Variants in RBFOX1 observed in about 807,000 individuals in gnomAD.
RBFOX1 encodes RNA binding protein fox-1 homolog 1.
RBFOX1 carries 8 observed loss-of-function variants against 57.7 expected under a neutral mutation model. The observed-to-expected ratio is 0.14, with a 90% CI of 0.08 to 0.25. The LOEUF (loss-of-function observed/expected upper bound fraction) is 0.25. Ranked by LOEUF, RBFOX1 falls within the 10% of genes least tolerant of loss-of-function variation. The probability of loss-of-function intolerance (pLI) is 1.00; values close to 1 mark genes in which losing one functional copy is unlikely to be tolerated. For synonymous variants in RBFOX1, 326 were observed against 222.4 expected (o/e 1.47, Z -4.15); for missense variants, 611 against 548.5 (o/e 1.11, Z -1.14).
chr16:5,782,466 A>G (rs931840222), intron 3 of RBFOX1, among the ~76,000 whole-genome samples: 2 of 152,190 alleles, frequency 1.3e-5, no homozygotes, highest in Non-Finnish European at 2.9e-5. Context: ...CCCAGAAACC[A>G]TCACCTCCCA....
chr16:5,677,149 C>G (rs894437333), intron 3 of RBFOX1, among the ~76,000 whole-genome samples: 1 of 152,180 alleles, frequency 6.6e-6, no homozygotes, highest in Non-Finnish European at 1.5e-5. Context: ...GAAGTTGAAC[C>G]CAGGCCTCTG....
intron 2 of RBFOX1, among the ~76,000 whole-genome samples, chr16:5,471,441 T>A (rs2069131436): frequency 1.3e-5 from 2 of 152,156 alleles, no homozygotes; most frequent in Non-Finnish European, 2.9e-5. Flanking sequence ...GGAGAGATGC[T>A]CTATGAAACT....
At chr16:6,893,940 G>A (rs1254586485) in intron 3 of RBFOX1, among the ~76,000 whole-genome samples, 1 of 152,102 alleles carries the variant, frequency 6.6e-6, no homozygotes, top group African/African-American at 2.4e-5. Context: ...TGAACATAGA[G>A]AGAACATGAT....
intron 4 of RBFOX1, among the ~76,000 whole-genome samples, chr16:7,366,481 C>A (rs75248220): frequency 2.0e-5 from 3 of 152,066 alleles, no homozygotes; most frequent in South Asian, 2.1e-4. Flanking sequence ...AATTGATAAA[C>A]CCTCCAGGAC....
At chr16:7,601,263 GT>G (rs2095006747) in intron 9 of RBFOX1, among the ~76,000 whole-genome samples, 1 of 152,198 alleles carries the variant, frequency 6.6e-6, no homozygotes, top group South Asian at 2.1e-4. Flanking sequence ...CAGCTCTCTA[GT>G]GGGAACTGTA....
intron 3 of RBFOX1, among the ~76,000 whole-genome samples, chr16:6,851,207 G>A (rs886573648): frequency 6.6e-6 from 1 of 152,172 alleles, no homozygotes; most frequent in African/African-American, 2.4e-5. Flanking sequence ...ATGATACCGT[G>A]TATGTAGCAT....
At chr16:6,237,974 C>G (rs997694297) in intron 1 of RBFOX1, among the ~76,000 whole-genome samples, 14 of 151,262 alleles carry the variant, frequency 9.3e-5, no homozygotes, top group African/African-American at 3.4e-4. Flanking sequence ...GCCTGTAGTC[C>G]CAGCTACTCG....
At chr16:7,350,608 GAC>G (rs934907731) in intron 4 of RBFOX1, among the ~76,000 whole-genome samples, 1 of 152,216 alleles carries the variant, frequency 6.6e-6, no homozygotes. Context: ...ATGCAAAACA[GAC>G]AGGACAGCTA....
At chr16:6,010,511 C>T (rs2094955015) in intron 4 of RBFOX1, among the ~76,000 whole-genome samples, 1 of 152,316 alleles carries the variant, frequency 6.6e-6, no homozygotes, top group Non-Finnish European at 1.5e-5. Context: ...GGCCATTGGG[C>T]CATTGTTTCC....
intron 3 of RBFOX1, among the ~76,000 whole-genome samples, chr16:7,045,233 G>T (rs534958504): frequency 3.9e-4 from 59 of 152,110 alleles, no homozygotes; most frequent in Admixed American, 7.9e-4. Context: ...TGGTGGTGGT[G>T]GCAACCAGTT....
chr16:6,167,933 A>G (rs968959969), intron 1 of RBFOX1, among the ~76,000 whole-genome samples: 1 of 152,172 alleles, frequency 6.6e-6, no homozygotes, highest in African/African-American at 2.4e-5. Flanking sequence ...TTATGGGTCA[A>G]AGTGAAGGTC....
At chr16:6,539,902 C>A (rs1247527984) in intron 2 of RBFOX1, among the ~76,000 whole-genome samples, 2 of 151,172 alleles carry the variant, frequency 1.3e-5, no homozygotes, top group African/African-American at 2.4e-5. Context: ...AACTTTTAAA[C>A]CTTCTCCACC....
chr16:6,846,717 G>T (rs781638026), intron 3 of RBFOX1, among the ~76,000 whole-genome samples: 1 of 152,144 alleles, frequency 6.6e-6, no homozygotes. Flanking sequence ...GGAGAATAAG[G>T]CTGAGCTCTC....
intron 5 of RBFOX1, among the ~76,000 whole-genome samples, chr16:7,565,890 C>G (rs1388097221): frequency 6.6e-6 from 1 of 151,948 alleles, no homozygotes; most frequent in Non-Finnish European, 1.5e-5. Context: ...GCATTCATGT[C>G]GTGTCTTGGG....
At chr16:6,786,085 G>T (rs1406622163) in intron 3 of RBFOX1, among the ~76,000 whole-genome samples, 1 of 152,212 alleles carries the variant, frequency 6.6e-6, no homozygotes, top group South Asian at 2.1e-4. Flanking sequence ...CCTGTTCAGG[G>T]CCTGGAGTGG....
intron 1 of RBFOX1, chr16:6,038,084 A>T (rs1318312066): frequency 1.3e-5 from 2 of 151,912 alleles, no homozygotes; most frequent in Non-Finnish European, 2.9e-5. Context: ...TTGGCGGGGG[A>T]TTGACTCCGC....
chr16:6,940,089 G>A (rs2078097639), intron 3 of RBFOX1, among the ~76,000 whole-genome samples: 1 of 152,200 alleles, frequency 6.6e-6, no homozygotes, highest in Non-Finnish European at 1.5e-5. Flanking sequence ...TTACTTGGGA[G>A]GCTGAGGCAG....
chr16:5,274,162 T>G (rs547891404), intron 1 of RBFOX1, among the ~76,000 whole-genome samples: 1 of 152,318 alleles, frequency 6.6e-6, no homozygotes, highest in South Asian at 2.1e-4. Context: ...CTCTCATGCC[T>G]TGTGTTCTTC....
intron 4 of RBFOX1, among the ~76,000 whole-genome samples, chr16:5,926,113 A>G (rs993563557): frequency 6.6e-6 from 1 of 152,216 alleles, no homozygotes; most frequent in Non-Finnish European, 1.5e-5. Flanking sequence ...CAGGCCATTC[A>G]AAGACATATT....
Sources: allele counts gnomAD v4.1 joint callset (sites outside exome capture counted in the v4.1 genomes callset), GRCh38; gene constraint gnomAD v4.1.1; transcripts MANE v1.5; gene names NCBI Gene and HGNC (gene_info 2026-07-23, HGNC 2026-07-21).